The following IMMT variants were observed in gnomAD, a reference collection of about 807,000 sequenced individuals.
The protein encoded by IMMT is MICOS complex subunit MIC60.
IMMT carries 40 observed loss-of-function variants against 92.7 expected under a neutral mutation model. That is an observed-to-expected ratio of 0.43 (90% CI 0.34 to 0.56). The LOEUF is 0.56. Among genes scored for constraint, IMMT ranks in the 20% least tolerant of loss-of-function variants. The pLI is 0.03. For synonymous variants in IMMT, 322 were observed against 336.1 expected, an observed-to-expected ratio of 0.96 and a Z score of 0.46; for missense variants, 831 against 912.1, an observed-to-expected ratio of 0.91 and a Z score of 1.14.
intron 6 of IMMT, among the ~76,000 whole-genome samples, chr2:86,169,061 T>G (rs1676916196): frequency 6.6e-6 from 1 of 152,194 alleles, no homozygotes; most frequent in South Asian, 2.1e-4. Flanking sequence ...CACATGCAAA[T>G]GCATATGTGT....
At position 86,195,324 on chromosome 2, in the gene IMMT, G is replaced by A. The variant is rs1420116089; in HGVS notation, c.45+14C>T. 3 of 1,538,700 alleles carry A rather than the reference G, an allele frequency of 1.9e-6. No homozygotes were observed. Among genetic ancestry groups the A allele is most frequent in the Admixed American group, 2.0e-5 (1 of 49,518 alleles). ...TCAGCCTCCTCACGCGCCTCCGGGA[G>A]CCCCAGTGCTCACCTGGGCGGCGGC... On this transcript the variant is annotated intron_variant, in intron 1 of 14. Transcript: ENST00000410111.
At chr2:86,171,521 A>C (rs911448187) in intron 4 of IMMT, 176 bp from the exon 5 acceptor site, 1 of 600,396 alleles carries the variant, frequency 1.7e-6, no homozygotes, top group Non-Finnish European at 3.0e-6. Context: ...CTGCATACAT[A>C]AACTCACACA....
chr2:86,147,299 T>C (rs545907302), intron 13 of IMMT, among the ~76,000 whole-genome samples: 1 of 152,342 alleles, frequency 6.6e-6, no homozygotes, highest in African/African-American at 2.4e-5. Context: ...TTAATATTAC[T>C]GTAAATGATT....
intron 1 of IMMT, among the ~76,000 whole-genome samples, chr2:86,193,982 T>C (rs1673352134): frequency 6.6e-6 from 1 of 152,162 alleles, no homozygotes; most frequent in African/African-American, 2.4e-5. Flanking sequence ...AAAAGAAATT[T>C]GGAAGTCAGA....
intron 3 of IMMT, among the ~76,000 whole-genome samples, chr2:86,178,328 A>AAAG (rs1318572804): frequency 1.4e-5 from 2 of 146,824 alleles, no homozygotes; most frequent in Non-Finnish European, 1.5e-5. Flanking sequence ...AAAAAAAAAA[A>AAAG]AAAGAAAAAA....
Position 86,158,715 on chromosome 2 carries a change from C to T in IMMT, c.1039G>A (p.Ala347Thr), listed in dbSNP as rs776973993. 1.1e-5 allele frequency: 17 copies of T among 1,604,318 alleles called. No individual in the cohort carries two copies. The Admixed American group carries it at 1.2e-4, about 11-fold the overall frequency. Reference protein sequence around the residue: ...DLDNVVKKVQAAQSEAKVVSQ... With the variant: ...DLDNVVKKVQTAQSEAKVVSQ... Reference sequence around the variant, plus strand: ...ACAACCTTAGCCTCAGACTGAGCTGCTTGGACCTGAGCAAATACACAGGGT... The same window carrying T: ...ACAACCTTAGCCTCAGACTGAGCTGTTTGGACCTGAGCAAATACACAGGGT... The change falls in exon 10 of 15, where the codon GCA (alanine) becomes ACA (threonine). Residue 347 changes from alanine (A) to threonine (T), a missense_variant. Physicochemically the swap from Ala to Thr is moderately conservative, Grantham distance 58. Coordinates refer to ENST00000410111, the MANE Select transcript of IMMT (RefSeq NM_006839.3).
chr2:86,163,014 T>C (rs1013420744), intron 7 of IMMT, among the ~76,000 whole-genome samples: 2 of 151,908 alleles, frequency 1.3e-5, no homozygotes, highest in African/African-American at 4.8e-5. Context: ...AGTCCCACAC[T>C]ATGAGGGGGT....
intron 8 of IMMT, chr2:86,159,895 T>C (rs1413708060): frequency 1.5e-5 from 5 of 335,456 alleles, no homozygotes. Context: ...CTCTATTTTA[T>C]TAAAAAAACT....
At position 86,171,268 on chromosome 2, in the gene IMMT, C is replaced by T. The variant is rs373945557; in HGVS notation, c.499G>A (p.Glu167Lys). The T allele has an allele frequency of 1.7e-5, 28 of 1,608,008 alleles. No individual in the cohort carries two copies. Among genetic ancestry groups the T allele is most frequent in the Admixed American group, 5.1e-5 (3 of 59,212 alleles). ...TCAGGGTGATCAGTTTTTAAAGATTCCTCAGGCTGAACTGCAGGGGCTGGG... is the reference window on the plus strand; with the variant it reads ...TCAGGGTGATCAGTTTTTAAAGATTTCTCAGGCTGAACTGCAGGGGCTGGG... ...SVPAPAVQPE[E>K]SLKTDHPEIG... The change falls in exon 5 of 15, where the codon GAA becomes AAA. Residue 167 changes from glutamate to lysine, a missense_variant. Physicochemically the swap from Glu to Lys is moderately conservative, Grantham distance 56. Coordinates refer to ENST00000410111, the MANE Select transcript of IMMT (RefSeq NM_006839.3).
intron 3 of IMMT, among the ~76,000 whole-genome samples, chr2:86,174,394 G>C (rs571103721): frequency 6.6e-5 from 10 of 152,142 alleles, no homozygotes; most frequent in Non-Finnish European, 1.3e-4. Context: ...TTGGCAGTAG[G>C]ACTCAGATAT....
At chr2:86,174,944 G>A (rs756674467) in intron 3 of IMMT, among the ~76,000 whole-genome samples, 21 of 152,124 alleles carry the variant, frequency 1.4e-4, no homozygotes, top group African/African-American at 4.1e-4. Flanking sequence ...GAAAAGCACC[G>A]TAGTGTAATA....
intron 1 of IMMT, among the ~76,000 whole-genome samples, chr2:86,183,477 A>G (rs558237168): frequency 2.0e-5 from 3 of 152,022 alleles, no homozygotes; most frequent in South Asian, 2.1e-4. Context: ...TCTACCTTCT[A>G]TTTTCTTTTA....
rs183761590 is a variant in IMMT at position 86,164,277 on chromosome 2, G to A, written c.793-2198C>T. On this transcript the variant is annotated intron_variant, in intron 7 of 14. Coordinates refer to ENST00000410111, the MANE Select transcript of IMMT (RefSeq NM_006839.3). ...TCTCCATGTTGGTCAGGCTGGTCTC[G>A]AACTCCTGACCTCAAATGATCCACC... Among the ~76,000 whole-genome samples, 563 of 151,130 alleles carry A rather than the reference G, an allele frequency of 3.7e-3. 3 individuals are homozygous for A. The highest frequency in any genetic ancestry group is 0.013 in the African/African-American group (542 of 41,294).
At chr2:86,149,505 G>A (rs1302419446) in intron 12 of IMMT, among the ~76,000 whole-genome samples, 3 of 152,146 alleles carry the variant, frequency 2.0e-5, no homozygotes, top group Non-Finnish European at 4.4e-5. Context: ...AATAGACACA[G>A]AAAGAAGGGT....
At chr2:86,158,386 A>C in intron 10 of IMMT, 1 of 407,548 alleles carries the variant, frequency 2.5e-6, no homozygotes, top group Non-Finnish European at 4.5e-6. Context: ...ACTAGCTGGA[A>C]CTCATGTTCA....
At position 86,171,295 on chromosome 2, in the gene IMMT, C is replaced by T; in HGVS notation, c.472G>A (p.Val158Ile). Residue 158 changes from valine to isoleucine, a missense_variant, in exon 5 of 15, where the codon GTC (valine) becomes ATC (isoleucine). Transcript: ENST00000410111. ...IISAAGDTLS[V>I]PAPAVQPEES... ...TCAGGCTGAACTGCAGGGGCTGGGA[C>T]CGACAGGGTATCACCTGCTGCAGAA... The T allele has an allele frequency of 6.2e-7, 1 of 1,610,630 alleles. No individual in the cohort carries two copies.
intron 7 of IMMT, among the ~76,000 whole-genome samples, chr2:86,166,042 T>C (rs1460547738): frequency 6.6e-6 from 1 of 152,208 alleles, no homozygotes; most frequent in African/African-American, 2.4e-5. Flanking sequence ...TAAACATAAT[T>C]ACTCTAAGGC....
intron 13 of IMMT, among the ~76,000 whole-genome samples, chr2:86,146,663 G>T (rs773700296): frequency 6.6e-6 from 1 of 151,898 alleles, no homozygotes; most frequent in Non-Finnish European, 1.5e-5. Flanking sequence ...GTGCCCGGCC[G>T]ATGTATATAA....
At position 86,144,678 on chromosome 2, in the gene IMMT, G is replaced by A. The variant is rs765752378; in HGVS notation, c.1867C>T (p.Arg623Cys). 38 of 1,613,790 alleles carry A rather than the reference G, an allele frequency of 2.4e-5. No homozygotes were observed. The Admixed American group carries it at 3.2e-4, about 13-fold the overall frequency. ...AGGGTCTCTTCACTGTACACCCCAC[G>A]GGTCAGGGACTCTGGAGGGATAGCT... ...TAAIPPESLT[R>C]GVYSEETLRA... The change falls in exon 15 of 15, where the codon CGT (arginine) becomes TGT (cysteine). Residue 623 changes from arginine to cysteine, a missense_variant. Physicochemically the swap from Arg to Cys is radical, Grantham distance 180. Coordinates refer to ENST00000410111, the MANE Select transcript of IMMT (RefSeq NM_006839.3).
Sources: gnomAD v4.1 joint callset for allele counts (sites outside exome capture counted in the v4.1 genomes callset) on GRCh38, gnomAD v4.1.1 for gene constraint, MANE v1.5 for transcripts, NCBI Gene and HGNC (gene_info 2026-07-23, HGNC 2026-07-21) for gene names.